Variants in PCSK5 observed in about 807,000 individuals in gnomAD.
PCSK5 encodes the protein prohormone convertase 5.
In PCSK5, 129 loss-of-function variants were observed where a neutral mutation model predicts 233.2. That is an observed-to-expected ratio of 0.55 (90% CI 0.48 to 0.64). PCSK5 has a LOEUF of 0.64. Among genes scored for constraint, PCSK5 ranks in the 30% least tolerant of loss-of-function variants. PCSK5 has a pLI of 0.00. For synonymous variants in PCSK5, 825 were observed against 879.2 expected (o/e 0.94, Z 1.09); for missense variants, 2,076 against 2,430.1 (o/e 0.85, Z 3.06).
chr9:76,189,606 A>T (rs773234332), intron 19 of PCSK5, 25 bp from the exon 20 acceptor site: 48 of 1,450,420 alleles, frequency 3.3e-5, no homozygotes, highest in Non-Finnish European at 4.7e-5. Flanking sequence ...TGAATGGATT[A>T]AAAAATTGTA....
chr9:76,040,101 T>G (rs2131527217), intron 5 of PCSK5, among the ~76,000 whole-genome samples: 1 of 152,302 alleles, frequency 6.6e-6, no homozygotes, highest in Non-Finnish European at 1.5e-5. Context: ...TTTGTTTTTG[T>G]CCCCCAGTTT....
chr9:75,959,643 C>T (rs1825253952), intron 2 of PCSK5, among the ~76,000 whole-genome samples: 1 of 152,200 alleles, frequency 6.6e-6, no homozygotes, highest in Non-Finnish European at 1.5e-5. Context: ...GTACATACTC[C>T]AGTGTGGCTG....
chr9:75,929,580 G>T (rs569542116), intron 1 of PCSK5, among the ~76,000 whole-genome samples: 21 of 152,210 alleles, frequency 1.4e-4, no homozygotes, highest in Non-Finnish European at 2.6e-4. Context: ...CAGTAGGGGA[G>T]GTGCCGCAGG....
At chr9:76,180,708 G>A (rs941735315) in intron 15 of PCSK5, among the ~76,000 whole-genome samples, 3 of 152,122 alleles carry the variant, frequency 2.0e-5, no homozygotes, top group African/African-American at 7.2e-5. Flanking sequence ...ACCCAGACGT[G>A]TTAAGAATTC....
At chr9:76,166,346 T>C (rs1823085991) in intron 12 of PCSK5, among the ~76,000 whole-genome samples, 1 of 152,214 alleles carries the variant, frequency 6.6e-6, no homozygotes, top group African/African-American at 2.4e-5. Context: ...TTGAAACACT[T>C]ACTTGAATTC....
intron 33 of PCSK5, among the ~76,000 whole-genome samples, chr9:76,331,335 A>G (rs1296773802): frequency 6.6e-6 from 1 of 152,122 alleles, no homozygotes; most frequent in East Asian, 1.9e-4. Flanking sequence ...TGCATTATCC[A>G]CGTAGACCCA....
chr9:76,168,599 T>G (rs1348535342), intron 12 of PCSK5, among the ~76,000 whole-genome samples: 1 of 152,204 alleles, frequency 6.6e-6, no homozygotes, highest in African/African-American at 2.4e-5. Context: ...GAAGAGATTT[T>G]AAACTGCAAA....
At chr9:76,295,005 T>C (rs1239732416) in intron 25 of PCSK5, among the ~76,000 whole-genome samples, 3 of 151,860 alleles carry the variant, frequency 2.0e-5, no homozygotes, top group Admixed American at 2.0e-4. Context: ...AATACAAAAA[T>C]TAGCCAGGCA....
chr9:76,311,742 C>G (rs943869587), intron 30 of PCSK5, among the ~76,000 whole-genome samples: 3 of 152,164 alleles, frequency 2.0e-5, no homozygotes, highest in Non-Finnish European at 4.4e-5. Context: ...CAGTATTGGT[C>G]ACTTCAGCGG....
At chr9:76,217,953 A>G (rs1312829825) in intron 20 of PCSK5, among the ~76,000 whole-genome samples, 2 of 152,022 alleles carry the variant, frequency 1.3e-5, no homozygotes, top group Non-Finnish European at 2.9e-5. Context: ...TCATCTGTTT[A>G]TGTGCTCCAC....
intron 2 of PCSK5, among the ~76,000 whole-genome samples, chr9:75,949,843 G>T (rs35356484): frequency 0.11 from 16,864 of 152,056 alleles, 1,331 homozygotes; most frequent in African/African-American, 0.23. Context: ...ATTTTTGTGG[G>T]TGCATAATAG....
At chr9:76,278,252 G>A (rs1476036508) in intron 24 of PCSK5, among the ~76,000 whole-genome samples, 5 of 152,074 alleles carry the variant, frequency 3.3e-5, no homozygotes, top group South Asian at 4.1e-4. Context: ...AAAACAATTC[G>A]TTTTAAAAGT....
At position 75,928,730 on chromosome 9, in the gene PCSK5, A is replaced by G. The variant is rs1056907609; in HGVS notation, c.193-3649A>G. 2.7e-5 allele frequency among the ~76,000 whole-genome samples: 4 copies of G among 150,126 alleles called. No individual in the cohort carries two copies. The South Asian group carries it at 8.5e-4, about 32-fold the overall frequency. On this transcript the variant is annotated intron_variant, in intron 1 of 37. Coordinates refer to ENST00000674117, the MANE Select transcript of PCSK5 (RefSeq NM_001372043.1). ...CTTTAGCTGTTATCTTGCAAACAAAATGAAAGAAAATAAAGGGTAGAGATG... is the reference window on the plus strand; with the variant it reads ...CTTTAGCTGTTATCTTGCAAACAAAGTGAAAGAAAATAAAGGGTAGAGATG...
chr9:76,013,725 T>C (rs1046188114), intron 3 of PCSK5, among the ~76,000 whole-genome samples: 2 of 152,204 alleles, frequency 1.3e-5, no homozygotes, highest in African/African-American at 4.8e-5. Context: ...CTTGTGCTGC[T>C]TGATTTGTTC....
chr9:76,169,667 G>C (rs755148360), intron 12 of PCSK5, 37 bp from the exon 13 acceptor site: 2 of 1,602,846 alleles, frequency 1.2e-6, no homozygotes, highest in Non-Finnish European at 1.7e-6. Flanking sequence ...CATTGGATTT[G>C]AAATATCGCA....
In PCSK5 at chr9:76,107,289, C is replaced by T. The variant is rs1832016698; in HGVS notation, c.1146C>T (p.His382=). The change falls in exon 9 of 38, where the codon CAC becomes CAT. Residue 382 remains histidine (H), a synonymous_variant. Transcript: ENST00000674117. ...TGAGGCAGCGTTGCACGGACAACCA[C>T]ACTGGGACGTCAGCCTCAGCCCCCA... ...TDLRQRCTDN[H]TGTSASAPMA... is the part of the protein sequence containing the mutation. 6.2e-7 allele frequency: 1 copy of T among 1,613,986 alleles called. No homozygotes were observed. Among genetic ancestry groups the T allele is most frequent in the Non-Finnish European group, 8.5e-7 (1 of 1,179,904 alleles).
intron 37 of PCSK5, among the ~76,000 whole-genome samples, chr9:76,354,935 A>C (rs1457187788): frequency 2.0e-5 from 3 of 152,200 alleles, no homozygotes; most frequent in African/African-American, 7.2e-5. Flanking sequence ...ACTATCAAGG[A>C]AGCTGATGTC....
At chr9:75,926,105 T>G (rs78393216) in intron 1 of PCSK5, among the ~76,000 whole-genome samples, 12,797 of 152,222 alleles carry the variant, frequency 0.084, 697 homozygotes, top group African/African-American at 0.15. Flanking sequence ...ATGGATTCTT[T>G]CATTTCCCAA....
intron 2 of PCSK5, among the ~76,000 whole-genome samples, chr9:75,956,332 A>C (rs1271777316): frequency 1.3e-5 from 2 of 152,194 alleles, no homozygotes; most frequent in African/African-American, 4.8e-5. Context: ...TATTACCTTC[A>C]TTCTACAGAT....
Sources: allele counts gnomAD v4.1 joint callset (sites outside exome capture counted in the v4.1 genomes callset), GRCh38; gene constraint gnomAD v4.1.1; transcripts MANE v1.5; gene names NCBI Gene and HGNC (gene_info 2026-07-23, HGNC 2026-07-21).